Variants in VDR observed in about 807,000 individuals in gnomAD.
The protein encoded by VDR is vitamin D3 receptor.
VDR carries 19 observed loss-of-function variants against 39.7 expected under a neutral mutation model. The observed-to-expected ratio is 0.48, with a 90% CI of 0.33 to 0.70. The LOEUF is 0.70. Among genes scored for constraint, VDR ranks in the 30% least tolerant of loss-of-function variants. The pLI is 0.02. For synonymous variants in VDR, 242 were observed against 215.8 expected (o/e 1.12, Z -1.07); for missense variants, 442 against 570.5 (o/e 0.77, Z 2.29).
chr12:47,883,458 C>T (rs1298721347), intron 1 of VDR, among the ~76,000 whole-genome samples: 1 of 152,212 alleles, frequency 6.6e-6, no homozygotes, highest in Non-Finnish European at 1.5e-5. Flanking sequence ...CCCAGACATG[C>T]TCAACACCCC....
intron 4 of VDR, among the ~76,000 whole-genome samples, chr12:47,858,707 C>T (rs545765007): frequency 4.3e-4 from 66 of 152,370 alleles, no homozygotes; most frequent in African/African-American, 1.6e-3. Flanking sequence ...GGGCCTTTGG[C>T]CTGTAGCTAC....
intron 3 of VDR, among the ~76,000 whole-genome samples, chr12:47,866,342 G>A (rs1233072227): frequency 2.6e-5 from 4 of 152,080 alleles, no homozygotes; most frequent in Admixed American, 6.5e-5. Flanking sequence ...TGATCCGCCT[G>A]CCTCGGCCTC....
At chr12:47,860,324 C>G (rs1441718163) in intron 4 of VDR, among the ~76,000 whole-genome samples, 1 of 152,168 alleles carries the variant, frequency 6.6e-6, no homozygotes, top group South Asian at 2.1e-4. Flanking sequence ...GCTACCTGGC[C>G]GTGGTGTCTG....
chr12:47,876,109 C>T (rs754829308), intron 3 of VDR, among the ~76,000 whole-genome samples: 5 of 152,162 alleles, frequency 3.3e-5, no homozygotes, highest in Admixed American at 6.5e-5. Flanking sequence ...TTTTTCACTG[C>T]TCTGCACATG....
rs140258671 is a variant in VDR at position 47,860,938 on chromosome 12, C to G, written c.278-3250G>C. 4.3e-3 allele frequency among the ~76,000 whole-genome samples: 660 copies of G among 152,294 alleles called. 4 individuals carry two copies. The highest frequency in any genetic ancestry group is 7.3e-3 in the Non-Finnish European group (498 of 68,030). The stretch of plus-strand genomic sequence containing the variant: ...ATCTATAAGGCACTATTCTGAGAGC[C>G]TTTTGTATATTAACTCATATATTTA... On this transcript the variant is annotated intron_variant, in intron 4 of 9. Coordinates refer to ENST00000549336, the MANE Select transcript of VDR (RefSeq NM_000376.3).
intron 7 of VDR, among the ~76,000 whole-genome samples, chr12:47,849,594 G>A (rs7963776): frequency 0.54 from 81,844 of 152,030 alleles, 22,351 homozygotes; most frequent in African/African-American, 0.59. Flanking sequence ...GAAAACTGCC[G>A]TGTCCTCCTT....
chr12:47,883,053 C>T (rs973916046), intron 1 of VDR: 1 of 399,386 alleles, frequency 2.5e-6, no homozygotes, highest in Non-Finnish European at 4.5e-6. Flanking sequence ...CAGAAGGAAA[C>T]AGCCTCCCGC....
chr12:47,903,831 G>A (rs1408065387), intron 1 of VDR, among the ~76,000 whole-genome samples: 1 of 152,156 alleles, frequency 6.6e-6, no homozygotes, highest in Non-Finnish European at 1.5e-5. Flanking sequence ...TTATCATAAA[G>A]CCACTATCCC....
At chr12:47,893,962 T>C (rs1179776890) in intron 1 of VDR, among the ~76,000 whole-genome samples, 1 of 152,196 alleles carries the variant, frequency 6.6e-6, no homozygotes, top group Admixed American at 6.5e-5. Flanking sequence ...AGGCCAAATA[T>C]CAGAATCTGT....
At chr12:47,894,903 G>C (rs1219082044) in intron 1 of VDR, among the ~76,000 whole-genome samples, 1 of 152,198 alleles carries the variant, frequency 6.6e-6, no homozygotes, top group African/African-American at 2.4e-5. Flanking sequence ...GATCCACATG[G>C]GGCATGAGGG....
At chr12:47,871,297 T>TCTTTCTTTCTTCCTTTCTTTCTTC (rs1491416347) in intron 3 of VDR, among the ~76,000 whole-genome samples, 23 of 98,816 alleles carry the variant, frequency 2.3e-4, no homozygotes, top group African/African-American at 7.2e-4. Flanking sequence ...TCTTTCTCTT[T>TCTTTCTTTCTTCCTTTCTTTCTTC]CTTTCTTTCT....
intron 4 of VDR, 125 bp downstream of exon 4, chr12:47,864,922 C>A: frequency 6.5e-7 from 1 of 1,534,204 alleles, no homozygotes; most frequent in Non-Finnish European, 8.9e-7. Flanking sequence ...AGGCCCTGGC[C>A]CCAGATGCTG....
At position 47,878,386 on chromosome 12, in the gene VDR, A is replaced by G. The variant is rs59564641; in HGVS notation, c.146+582T>C. ...CTCATGTAAGGGGAGTGTGTTGGTA[A>G]AGAAACTGGCCCTGATCAAACAGGA... On this transcript the variant is annotated intron_variant, in intron 3 of 9. Transcript: ENST00000549336. Among the ~76,000 whole-genome samples, 783 of 152,280 alleles carry G rather than the reference A, an allele frequency of 5.1e-3. 6 individuals are homozygous for G. Among genetic ancestry groups the G allele is most frequent in the African/African-American group, 0.017 (720 of 41,558 alleles).
chr12:47,868,608 T>C (rs1196033907), intron 3 of VDR, among the ~76,000 whole-genome samples: 1 of 152,210 alleles, frequency 6.6e-6, no homozygotes, highest in East Asian at 1.9e-4. Flanking sequence ...CAGGGACATC[T>C]GTATGTTCCA....
intron 3 of VDR, among the ~76,000 whole-genome samples, chr12:47,870,878 T>C (rs949317301): frequency 6.6e-6 from 1 of 152,218 alleles, no homozygotes; most frequent in African/African-American, 2.4e-5. Flanking sequence ...TGTATATGTA[T>C]AGCAGAACAT....
In VDR at chr12:47,892,401, C is replaced by G. The variant is rs538123617; in HGVS notation, c.-83-9627G>C. Reference sequence around the variant, plus strand: ...CACCCCAAGGTGACATCGGCTGCTCCTCCATTTCTGATTAGAATGACTTCC... The same window carrying G: ...CACCCCAAGGTGACATCGGCTGCTCGTCCATTTCTGATTAGAATGACTTCC... On this transcript the variant is annotated intron_variant, in intron 1 of 9. Coordinates refer to ENST00000549336, the MANE Select transcript of VDR (RefSeq NM_000376.3). Among the ~76,000 whole-genome samples the G allele has an allele frequency of 3.3e-5, 5 of 152,344 alleles. No homozygotes were observed. In the South Asian group the frequency reaches 1.0e-3, roughly 32 times the overall value.
chr12:47,893,692 C>CACTCAGCCT (rs1946412596), intron 1 of VDR, among the ~76,000 whole-genome samples: 2 of 152,318 alleles, frequency 1.3e-5, no homozygotes, highest in African/African-American at 4.8e-5. Context: ...CCACTCAGCC[C>CACTCAGCCT]ACTCAGCCTA....
At chr12:47,864,400 A>T (rs1407557355) in intron 4 of VDR, among the ~76,000 whole-genome samples, 1 of 151,686 alleles carries the variant, frequency 6.6e-6, no homozygotes. Flanking sequence ...CTATAGAATC[A>T]CTCCTCTTTC....
chr12:47,885,336 G>A (rs748146578), intron 1 of VDR, among the ~76,000 whole-genome samples: 3 of 152,160 alleles, frequency 2.0e-5, no homozygotes, highest in East Asian at 1.9e-4. Flanking sequence ...AAGATAACAC[G>A]TTTCCTTCCA....
Sources: gnomAD v4.1 joint callset for allele counts (sites outside exome capture counted in the v4.1 genomes callset) on GRCh38, gnomAD v4.1.1 for gene constraint, MANE v1.5 for transcripts, NCBI Gene and HGNC (gene_info 2026-07-23, HGNC 2026-07-21) for gene names.